Variants in ENPP3 observed in about 807,000 individuals in gnomAD.
ENPP3 encodes the protein ectonucleotide pyrophosphatase/phosphodiesterase family member 3.
In ENPP3, 104 loss-of-function variants were observed where a neutral mutation model predicts 117.8. The ratio of observed to expected loss-of-function variants is 0.88; its 90% CI spans 0.75 to 1.04. The LOEUF is 1.04. Ranked by LOEUF, ENPP3 falls within the 50% of genes least tolerant of loss-of-function variation. The pLI, the probability that ENPP3 is intolerant of heterozygous loss-of-function variation, is 0.00. For synonymous variants in ENPP3, 380 were observed against 349.9 expected (o/e 1.09, Z -0.96); for missense variants, 1,026 against 1,051.9 (o/e 0.98, Z 0.34).
At chr6:131,642,291 T>C (rs1778061415) in intron 2 of ENPP3, among the ~76,000 whole-genome samples, 2 of 152,104 alleles carry the variant, frequency 1.3e-5, no homozygotes, top group Admixed American at 6.6e-5. Flanking sequence ...TAAAATCTCC[T>C]GGTTCTTGAT....
rs1044370118 is a variant in ENPP3, at chr6:131,668,839, A to G, written c.563-2409A>G. Among the ~76,000 whole-genome samples, 5 of 152,202 alleles carry G rather than the reference A, an allele frequency of 3.3e-5. No homozygotes were observed. The East Asian group carries it at 7.7e-4, about 23-fold the overall frequency. ...TGTCTTTCCAGTAGTCTGTTCAAGT[A>G]TAACTTAAATTATTCATATTTGGAA... On this transcript the variant is annotated intron_variant, in intron 6 of 24. Transcript: ENST00000357639.
chr6:131,697,165 G>A (rs1779426424), intron 15 of ENPP3, among the ~76,000 whole-genome samples: 1 of 152,224 alleles, frequency 6.6e-6, no homozygotes, highest in Non-Finnish European at 1.5e-5. Context: ...GCAGTTGCAA[G>A]TAGTTCTGCA....
At chr6:131,637,934 C>A (rs149876663) in intron 1 of ENPP3, among the ~76,000 whole-genome samples, 2 of 151,732 alleles carry the variant, frequency 1.3e-5, no homozygotes, top group East Asian at 3.9e-4. Flanking sequence ...CCCTCACCCC[C>A]CAAATAAATT....
chr6:131,696,344 C>A (rs1468770330), intron 15 of ENPP3, among the ~76,000 whole-genome samples: 1 of 152,146 alleles, frequency 6.6e-6, no homozygotes, highest in Non-Finnish European at 1.5e-5. Context: ...CAGCTATAAT[C>A]AGATGGGATA....
At chr6:131,653,312 C>CT (rs57202650) in intron 5 of ENPP3, among the ~76,000 whole-genome samples, 3,292 of 133,748 alleles carry the variant, frequency 0.025, 50 homozygotes, top group African/African-American at 0.031. Context: ...ATTTTTCTCT[C>CT]TTTTTTTTTT....
intron 2 of ENPP3, among the ~76,000 whole-genome samples, chr6:131,642,079 G>A (rs1225251748): frequency 6.6e-6 from 1 of 152,042 alleles, no homozygotes; most frequent in Non-Finnish European, 1.5e-5. Context: ...ACAGGTGTGA[G>A]TTGCCGCGCC....
At chr6:131,652,988 C>A in intron 5 of ENPP3, 97 bp downstream of exon 5, 2 of 788,946 alleles carry the variant, frequency 2.5e-6, no homozygotes, top group Non-Finnish European at 2.1e-6. Context: ...TCCCCCAATT[C>A]ATGTACATTT....
At chr6:131,693,196 TGAGA>T (rs572517749) in intron 14 of ENPP3, among the ~76,000 whole-genome samples, 2 of 150,984 alleles carry the variant, frequency 1.3e-5, no homozygotes, top group Non-Finnish European at 2.9e-5. Flanking sequence ...TTTATTTTTT[TGAGA>T]GAGTCTCACT....
chr6:131,707,862 C>CA (rs959024533), intron 15 of ENPP3, among the ~76,000 whole-genome samples: 1 of 130,076 alleles, frequency 7.7e-6, no homozygotes, highest in Non-Finnish European at 1.5e-5. Context: ...CGTCAGCACT[C>CA]AAAAAAAATA....
chr6:131,674,700 G>C (rs1778827140), intron 8 of ENPP3, among the ~76,000 whole-genome samples: 1 of 151,602 alleles, frequency 6.6e-6, no homozygotes, highest in Admixed American at 6.6e-5. Flanking sequence ...CTCCCGAGTA[G>C]CTGGGACTAC....
rs1192622772 is a variant in ENPP3, at chr6:131,738,047, CCA to C, written c.2187_2188del (p.His729GlnfsTer18). On this transcript the variant is annotated frameshift_variant, in exon 23 of 25. Transcript: ENST00000357639. LOFTEE classifies it high-confidence loss of function. ...TATTTTTAGAAATGTGGGACTACTT[CCA>C]CAGTGTTCTTCTTATAAAACATGCC... ...EEFRKMWDYF[H>X]SVLLIKHATE... 3 of 1,599,030 alleles carry C rather than the reference CCA, an allele frequency of 1.9e-6. No individual in the cohort carries two copies. The highest frequency in any genetic ancestry group is 2.3e-5 in the South Asian group (2 of 88,538).
rs780654548 is a variant in ENPP3 at position 131,722,220 on chromosome 6, A to T, written c.1568-7A>T. 107 of 1,602,282 alleles carry T rather than the reference A, an allele frequency of 6.7e-5. No homozygotes were observed. Among genetic ancestry groups the T allele is most frequent in the Non-Finnish European group, 8.5e-7 (1 of 1,176,302 alleles). ...AGCTACTTTGAACTAATTTTTTCAAAAAACAGATCTTCTACGCATTCAACC... is the reference window on the plus strand; with the variant it reads ...AGCTACTTTGAACTAATTTTTTCAATAAACAGATCTTCTACGCATTCAACC... On this transcript the variant is annotated splice_polypyrimidine_tract_variant and splice_region_variant and intron_variant, in intron 17 of 24. Coordinates refer to ENST00000357639, the MANE Select transcript of ENPP3 (RefSeq NM_005021.5).
chr6:131,679,509 C>CT (rs57631097), intron 11 of ENPP3, among the ~76,000 whole-genome samples: 9,644 of 132,196 alleles, frequency 0.073, 705 homozygotes, highest in East Asian at 0.33. Context: ...GTACCATGTC[C>CT]TTTTTTTTTT....
intron 22 of ENPP3, among the ~76,000 whole-genome samples, 186 bp downstream of exon 22, chr6:131,737,618 G>A (rs1021130586): frequency 6.6e-6 from 1 of 152,074 alleles, no homozygotes; most frequent in Non-Finnish European, 1.5e-5. Context: ...TTGACTTTGA[G>A]TGACTTGTTG....
intron 5 of ENPP3, 39 bp downstream of exon 5, chr6:131,652,930 A>G (rs1291792459): frequency 3.0e-6 from 4 of 1,324,000 alleles, no homozygotes; most frequent in Admixed American, 1.7e-5. Context: ...TCCTCCTTTA[A>G]CAAAGGTGCA....
intron 23 of ENPP3, among the ~76,000 whole-genome samples, chr6:131,739,110 G>A (rs1562483815): frequency 6.6e-6 from 1 of 152,198 alleles, no homozygotes; most frequent in Non-Finnish European, 1.5e-5. Flanking sequence ...CCCAGTTAGA[G>A]TTAAGGAAAC....
At chr6:131,641,373 A>G (rs987543464) in intron 1 of ENPP3, 82 bp from the exon 2 acceptor site, 16 of 829,202 alleles carry the variant, frequency 1.9e-5, no homozygotes, top group Admixed American at 1.7e-4. Context: ...GTACTTAGAG[A>G]GAATACTGAG....
intron 5 of ENPP3, among the ~76,000 whole-genome samples, chr6:131,657,845 G>C (rs1778417452): frequency 6.6e-6 from 1 of 152,080 alleles, no homozygotes; most frequent in African/African-American, 2.4e-5. Context: ...CTATGCTTCT[G>C]TGAAATGTGT....
chr6:131,717,349 G>GTGT (rs1554267239), intron 15 of ENPP3, among the ~76,000 whole-genome samples: 2 of 126,962 alleles, frequency 1.6e-5, no homozygotes, highest in African/African-American at 6.5e-5. Flanking sequence ...AACCCTGCGG[G>GTGT]GGGTGTGTGT....
Sources: allele counts gnomAD v4.1 joint callset (sites outside exome capture counted in the v4.1 genomes callset), GRCh38; gene constraint gnomAD v4.1.1; transcripts MANE v1.5; gene names NCBI Gene and HGNC (gene_info 2026-07-23, HGNC 2026-07-21).